TWF1: variants seen among roughly 807,000 people sequenced by gnomAD.
The protein encoded by TWF1 is twinfilin-1.
In TWF1, 14 loss-of-function variants were observed where a neutral mutation model predicts 47.9. The observed-to-expected ratio is 0.29, with a 90% CI of 0.19 to 0.46. TWF1 has a LOEUF of 0.46. TWF1 is among the 20% of genes least tolerant of loss of function. The pLI is 1.00. For missense variants in TWF1, 281 were observed against 409.3 expected (o/e 0.69, Z 2.70); for synonymous variants, 96 against 139.2 (o/e 0.69, Z 2.18).
intron 4 of TWF1, among the ~76,000 whole-genome samples, chr12:43,799,776 T>A (rs1942625345): frequency 6.6e-6 from 1 of 152,112 alleles, no homozygotes; most frequent in East Asian, 1.9e-4. Context: ...CTGAACCTGG[T>A]CATCCTGTAA....
At chr12:43,801,964 A>AG (rs1477555135) in intron 3 of TWF1, among the ~76,000 whole-genome samples, 1 of 152,220 alleles carries the variant, frequency 6.6e-6, no homozygotes, top group East Asian at 1.9e-4. Flanking sequence ...TGGGAGGCAG[A>AG]GGTTGCAGTG....
chr12:43,800,001 C>A (rs1471039339), intron 4 of TWF1, among the ~76,000 whole-genome samples: 3 of 152,002 alleles, frequency 2.0e-5, no homozygotes, highest in Admixed American at 2.0e-4. Context: ...AAGACTGAGA[C>A]TCATGAAATT....
At chr12:43,798,278 A>G (rs1942591985) in intron 5 of TWF1, among the ~76,000 whole-genome samples, 1 of 152,190 alleles carries the variant, frequency 6.6e-6, no homozygotes, top group African/African-American at 2.4e-5. Flanking sequence ...GTGTACAAAG[A>G]CAACACAGCT....
At position 43,794,460 on chromosome 12, in the gene TWF1, A is replaced by G. The variant is rs563244850; in HGVS notation, c.*1125T>C. 6.7e-3 allele frequency: 1,014 copies of G among 150,438 alleles called. 4 individuals are homozygous for G. Among genetic ancestry groups the G allele is most frequent in the Non-Finnish European group, 8.0e-3 (541 of 67,576 alleles). The allele number at this position is 150,438 out of a possible 1,614,324, so 9.3% of individuals were successfully genotyped here. On this transcript the variant is annotated 3_prime_UTR_variant, in exon 9 of 9. Coordinates refer to ENST00000395510, the MANE Select transcript of TWF1 (RefSeq NM_002822.5). ...ATTTATGCAGCATAAAGTTTAGATC[A>G]AGAAATTACAAATCCTGGATCCCCA...
rs555249204 is a variant in TWF1 at position 43,796,807 on chromosome 12, T to A, written c.882+169A>T. 3.5e-4 allele frequency among the ~76,000 whole-genome samples: 54 copies of A among 152,122 alleles called. No homozygotes were observed. The South Asian group carries it at 6.4e-3, about 18-fold the overall frequency. On this transcript the variant is annotated intron_variant, in intron 8 of 8. Coordinates refer to ENST00000395510, the MANE Select transcript of TWF1 (RefSeq NM_002822.5). ...TAGGAAGTACAGATATATATAGAGATGGGGATCATGACAGGTAGTTCCCAG... is the reference window on the plus strand; with the variant it reads ...TAGGAAGTACAGATATATATAGAGAAGGGGATCATGACAGGTAGTTCCCAG...
At chr12:43,804,668 T>A in intron 1 of TWF1, 96 bp from the exon 2 acceptor site, 1 of 786,550 alleles carries the variant, frequency 1.3e-6, no homozygotes, top group South Asian at 1.9e-5. Flanking sequence ...AAAGAAAAAA[T>A]CTGGAGCATG....
At chr12:43,803,345 G>A (rs1429552861) in intron 2 of TWF1, among the ~76,000 whole-genome samples, 1 of 152,128 alleles carries the variant, frequency 6.6e-6, no homozygotes, top group Non-Finnish European at 1.5e-5. Flanking sequence ...CCCAGGGTAA[G>A]GAGGTCAGAA....
intron 5 of TWF1, 64 bp from the exon 6 acceptor site, chr12:43,797,897 A>C: frequency 6.6e-7 from 1 of 1,519,208 alleles, no homozygotes; most frequent in Non-Finnish European, 8.9e-7. Flanking sequence ...AAACATAAGA[A>C]AACCCAACCT....
intron 1 of TWF1, chr12:43,805,516 G>A (rs570173814): frequency 1.1e-5 from 5 of 456,240 alleles, no homozygotes; most frequent in African/African-American, 6.0e-5. Flanking sequence ...TCTTGATGAG[G>A]TGAGTACCTG....
chr12:43,800,416 C>T lies in TWF1; in HGVS notation c.378+19G>A. 6.3e-7 allele frequency: 1 copy of T among 1,577,180 alleles called. No homozygotes were observed. Among genetic ancestry groups the T allele is most frequent in the South Asian group, 1.1e-5 (1 of 88,862 alleles). On this transcript the variant is annotated intron_variant, in intron 4 of 8. Coordinates refer to ENST00000395510, the MANE Select transcript of TWF1 (RefSeq NM_002822.5). ...TCATTTTAATTGCAACATATAGAAT[C>T]CACATACAAACATAATACCTTTACT...
intron 5 of TWF1, 100 bp from the exon 6 acceptor site, chr12:43,797,933 A>C: frequency 8.3e-7 from 1 of 1,206,120 alleles, no homozygotes; most frequent in Non-Finnish European, 1.1e-6. Flanking sequence ...ATTCAACCCT[A>C]GCCCAACCTA....
intron 2 of TWF1, 39 bp downstream of exon 2, chr12:43,804,456 A>G: frequency 7.7e-7 from 1 of 1,291,466 alleles, no homozygotes; most frequent in Non-Finnish European, 1.1e-6. Flanking sequence ...AACAGCCACT[A>G]ATCCAGGAAC....
At chr12:43,804,411 A>G in intron 2 of TWF1, 84 bp downstream of exon 2, 1 of 871,468 alleles carries the variant, frequency 1.1e-6, no homozygotes, top group East Asian at 2.7e-5. Flanking sequence ...TTAATAGTTC[A>G]AATCACTGAC....
intron 2 of TWF1, chr12:43,804,043 G>T (rs964403875): frequency 2.0e-4 from 42 of 205,304 alleles, no homozygotes; most frequent in African/African-American, 9.1e-4. Context: ...AAACAAGAAA[G>T]GGAAATGATC....
At chr12:43,798,543 T>C (rs1238564954) in intron 5 of TWF1, 3 of 1,513,360 alleles carry the variant, frequency 2.0e-6, no homozygotes, top group South Asian at 1.3e-5. Flanking sequence ...GAAAACATCA[T>C]AGAACATATG....
chr12:43,797,064 C>G lies in TWF1; in HGVS notation c.794G>C (p.Ser265Thr). The change falls in exon 8 of 9, where the codon AGT becomes ACT. Residue 265 changes from serine (S) to threonine (T), a missense_variant. By Grantham distance (58) the Ser-to-Thr change is moderately conservative. Transcript: ENST00000395510. ...FIYSMPGYTC[S>T]IRERMLYSSC... Reference sequence around the variant, plus strand: ...AGAATACAGCATCCGCTCTCTTATACTGCATGTGTATCCAGGCATTGAATA... The same window carrying G: ...AGAATACAGCATCCGCTCTCTTATAGTGCATGTGTATCCAGGCATTGAATA... 6.2e-7 allele frequency: 1 copy of G among 1,607,050 alleles called. No homozygotes were observed. Among genetic ancestry groups the G allele is most frequent in the Non-Finnish European group, 8.5e-7 (1 of 1,176,988 alleles).
At position 43,806,000 on chromosome 12, in the gene TWF1, A is replaced by G. The variant is rs757335286; in HGVS notation, c.25+221T>C. 11 of 1,531,270 alleles carry G rather than the reference A, an allele frequency of 7.2e-6. No individual in the cohort carries two copies. In the East Asian group the frequency reaches 2.5e-4, roughly 34 times the overall value. 94.9% of individuals were successfully genotyped at this position (1,531,270 alleles called of 1,614,324 possible). On this transcript the variant is annotated intron_variant, in intron 1 of 8. Coordinates refer to ENST00000395510, the MANE Select transcript of TWF1 (RefSeq NM_002822.5). ...CCTTCGCTCCCCCGAATTTCGGATC[A>G]ATCTGCAACGTGACGGCAGCAGGGA...
rs1175345655 is a variant in TWF1 at position 43,805,670 on chromosome 12, C to G, written c.25+551G>C. ...AAAGATCAAAACACACGCTTACACT[C>G]GAGATTTCTCAGAACATAACTCTCA... On this transcript the variant is annotated intron_variant, in intron 1 of 8. Transcript: ENST00000395510. The G allele has an allele frequency of 5.7e-6, 4 of 700,128 alleles. No individual in the cohort carries two copies. The Admixed American group carries it at 9.4e-5, about 16-fold the overall frequency. The allele number at this position is 700,128 out of a possible 1,614,324, so 43.4% of individuals were successfully genotyped here. A position where few individuals can be genotyped will look rare whatever the true frequency, so the allele number is the denominator to read the frequency against.
intron 1 of TWF1, 75 bp downstream of exon 1, chr12:43,806,146 C>G (rs910582069): frequency 1.2e-5 from 18 of 1,506,966 alleles, no homozygotes; most frequent in African/African-American, 2.8e-5. Flanking sequence ...CCAGCCCTGC[C>G]GGTCCTGCAG....
Sources: allele counts gnomAD v4.1 joint callset (sites outside exome capture counted in the v4.1 genomes callset), GRCh38; gene constraint gnomAD v4.1.1; transcripts MANE v1.5; gene names NCBI Gene and HGNC (gene_info 2026-07-23, HGNC 2026-07-21).